Variants in FAM120A observed in about 807,000 individuals in gnomAD.
FAM120A encodes the protein constitutive coactivator of PPAR-gamma-like protein 1.
Under a neutral mutation model 109.7 loss-of-function variants are expected in FAM120A, and 15 were observed. The observed-to-expected ratio is 0.14, with a 90% confidence interval of 0.09 to 0.21. The LOEUF is 0.21. FAM120A is among the 10% of genes least tolerant of loss of function. The probability of loss-of-function intolerance (pLI) is 1.00; values close to 1 mark genes in which losing one functional copy is unlikely to be tolerated. For missense variants in FAM120A, 899 were observed against 1,439.3 expected, an observed-to-expected ratio of 0.62 and a Z score of 6.07; for synonymous variants, 493 against 572.8, an observed-to-expected ratio of 0.86 and a Z score of 1.99.
intron 12 of FAM120A, among the ~76,000 whole-genome samples, chr9:93,550,987 A>G (rs1403367442): frequency 6.6e-6 from 1 of 152,212 alleles, no homozygotes; most frequent in Non-Finnish European, 1.5e-5. Flanking sequence ...ACATCATGAA[A>G]TAAACTTGCC....
rs184708560 is a variant in FAM120A, at chr9:93,554,302, G to A, written c.2275-2080G>A. 5.3e-5 allele frequency among the ~76,000 whole-genome samples: 8 copies of A among 152,224 alleles called. No individual in the cohort carries two copies. In the East Asian group the frequency reaches 7.7e-4, roughly 15 times the overall value. On this transcript the variant is annotated intron_variant, in intron 12 of 17. Coordinates refer to ENST00000277165, the MANE Select transcript of FAM120A (RefSeq NM_014612.5). ...TTGGCAATGCAGATAGCCGTTTGCC[G>A]GGTAAATGGTTTTGGTTACATTAGT...
At chr9:93,518,974 T>C (rs984264086) in intron 7 of FAM120A, among the ~76,000 whole-genome samples, 2 of 152,164 alleles carry the variant, frequency 1.3e-5, no homozygotes, top group Non-Finnish European at 2.9e-5. Flanking sequence ...CTATTTTATA[T>C]GGGGCCCAAG....
At chr9:93,467,246 A>ACCCC (rs369928187) in intron 1 of FAM120A, among the ~76,000 whole-genome samples, 1 of 62,860 alleles carries the variant, frequency 1.6e-5, no homozygotes, top group African/African-American at 6.1e-5. Context: ...ATCTGCTGTC[A>ACCCC]CCCCCCCCCC....
At chr9:93,464,201 T>C (rs1187488038) in intron 1 of FAM120A, among the ~76,000 whole-genome samples, 1 of 152,224 alleles carries the variant, frequency 6.6e-6, no homozygotes, top group Non-Finnish European at 1.5e-5. Context: ...TAAACAATTA[T>C]ACTTGCCAAG....
At chr9:93,531,299 A>G (rs923143063) in intron 9 of FAM120A, 3 of 152,246 alleles carry the variant, frequency 2.0e-5, no homozygotes, top group African/African-American at 7.2e-5. Context: ...AACAGCAAAT[A>G]TTACAAAATT....
At chr9:93,556,056 G>T (rs1338474808) in intron 12 of FAM120A, among the ~76,000 whole-genome samples, 2 of 152,218 alleles carry the variant, frequency 1.3e-5, no homozygotes, top group African/African-American at 2.4e-5. Flanking sequence ...TGGGCTCTAA[G>T]GAGACCACAC....
Position 93,527,174 on chromosome 9 carries a change from A to T in FAM120A, c.1438A>T (p.Ile480Phe). 6.2e-7 allele frequency: 1 copy of T among 1,614,126 alleles called. No individual in the cohort carries two copies. The highest frequency in any genetic ancestry group is 8.5e-7 in the Non-Finnish European group (1 of 1,179,968). ...GATNHISGNK[I>F]GWEKTGSHSE... ...GTTTAGCCATATCAGCGGGAACAAG[A>T]TTGGCTGGGAGAAGACGGGAAGCCA... The change falls in exon 8 of 18, where the codon ATT becomes TTT. Residue 480 changes from isoleucine to phenylalanine, a missense_variant. Physicochemically the swap from Ile to Phe is conservative, Grantham distance 21. Transcript: ENST00000277165.
intron 2 of FAM120A, among the ~76,000 whole-genome samples, chr9:93,474,271 T>C (rs1279477236): frequency 6.6e-6 from 1 of 151,970 alleles, no homozygotes; most frequent in Non-Finnish European, 1.5e-5. Context: ...CACTGCAACC[T>C]CTGTCTCCCA....
chr9:93,475,513 A>G (rs553168552), intron 2 of FAM120A, among the ~76,000 whole-genome samples: 2 of 152,312 alleles, frequency 1.3e-5, no homozygotes, highest in South Asian at 4.1e-4. Flanking sequence ...TTATTTAGGA[A>G]ATTACTGCTT....
At chr9:93,552,551 G>T (rs1055645316) in intron 12 of FAM120A, among the ~76,000 whole-genome samples, 3 of 151,566 alleles carry the variant, frequency 2.0e-5, no homozygotes, top group Non-Finnish European at 4.4e-5. Context: ...CATTTGTTGG[G>T]GGGGAAAGGC....
At chr9:93,496,775 A>G (rs559327314) in intron 3 of FAM120A, among the ~76,000 whole-genome samples, 7 of 152,238 alleles carry the variant, frequency 4.6e-5, no homozygotes, top group Non-Finnish European at 7.3e-5. Context: ...TGTCCTGCCT[A>G]CCGCAAAGCT....
intron 8 of FAM120A, among the ~76,000 whole-genome samples, chr9:93,528,672 T>C (rs924510556): frequency 6.6e-6 from 1 of 152,244 alleles, no homozygotes; most frequent in African/African-American, 2.4e-5. Context: ...TCTATGTCAT[T>C]ATCCATAGAT....
chr9:93,482,239 G>T (rs1858847959), intron 3 of FAM120A, among the ~76,000 whole-genome samples: 1 of 142,532 alleles, frequency 7.0e-6, no homozygotes, highest in African/African-American at 2.5e-5. Flanking sequence ...CCAGGTTGGA[G>T]TGCAGTGGTG....
Position 93,532,096 on chromosome 9 carries a change from T to C in FAM120A, c.1735-59T>C. ...AGATAATACAGTATATTTCTGTGAG[T>C]GTATTGTAAATTCAACATGAAAAAT... On this transcript the variant is annotated intron_variant, in intron 9 of 17. Transcript: ENST00000277165. The surrounding 1 kb of genome is among the most constrained non-coding windows in gnomAD (Gnocchi z 4.3). The C allele has an allele frequency of 6.9e-7, 1 of 1,458,786 alleles. No homozygotes were observed. The highest frequency in any genetic ancestry group is 9.6e-7 in the Non-Finnish European group (1 of 1,045,882). The allele number at this position is 1,458,786 out of a possible 1,614,324, so 90.4% of individuals were successfully genotyped here. A position where few individuals can be genotyped will look rare whatever the true frequency, so the allele number is the denominator to read the frequency against.
At position 93,562,272 on chromosome 9, in the gene FAM120A, GGCA is replaced by G; in HGVS notation, c.3015_3017del (p.Arg1006del). On this transcript the variant is annotated inframe_deletion, in exon 17 of 18. Coordinates refer to ENST00000277165, the MANE Select transcript of FAM120A (RefSeq NM_014612.5). The stretch of plus-strand genomic sequence containing the variant: ...ATTTGGAAGAGGTGGAAGGTACTAT[GGCA>G]GAGGTTACAAAAACCAGGCAGCAAT... 6.2e-7 allele frequency: 1 copy of G among 1,614,150 alleles called. No individual in the cohort carries two copies. Among genetic ancestry groups the G allele is most frequent in the Non-Finnish European group, 8.5e-7 (1 of 1,179,988 alleles).
At position 93,476,317 on chromosome 9, in the gene FAM120A, A is replaced by C. The variant is rs1451401729; in HGVS notation, c.783A>C (p.Glu261Asp). Residue 261 changes from glutamate (E) to aspartate (D), a missense_variant, in exon 3 of 18, where the codon GAA (glutamate) becomes GAC (aspartate). Coordinates refer to ENST00000277165, the MANE Select transcript of FAM120A (RefSeq NM_014612.5). ...TTCACTGGAGTTTACTTGGTCCAGAACATCCACTAGCCTCACTAAAGGTAC... is the reference window on the plus strand; with the variant it reads ...TTCACTGGAGTTTACTTGGTCCAGACCATCCACTAGCCTCACTAAAGGTAC... ...ASFHWSLLGP[E>D]HPLASLKVRA... 6.2e-7 allele frequency: 1 copy of C among 1,606,740 alleles called. No homozygotes were observed. The highest frequency in any genetic ancestry group is 8.5e-7 in the Non-Finnish European group (1 of 1,173,540).
At chr9:93,457,556 T>C (rs1339956139) in intron 1 of FAM120A, among the ~76,000 whole-genome samples, 1 of 152,144 alleles carries the variant, frequency 6.6e-6, no homozygotes, top group Admixed American at 6.5e-5. Flanking sequence ...ACACATGATA[T>C]ATACACACAG....
intron 1 of FAM120A, among the ~76,000 whole-genome samples, chr9:93,465,239 C>T (rs1857968437): frequency 6.6e-6 from 1 of 152,278 alleles, no homozygotes; most frequent in East Asian, 1.9e-4. Flanking sequence ...GTCTTTTTAC[C>T]CCTGCTCATA....
Position 93,498,646 on chromosome 9 carries a change from C to A in FAM120A, c.934-144C>A. 3 of 670,546 alleles carry A rather than the reference C, an allele frequency of 4.5e-6. No homozygotes were observed. The highest frequency in any genetic ancestry group is 5.3e-6 in the Non-Finnish European group (2 of 373,908). The allele number at this position is 670,546 out of a possible 1,614,324, so 41.5% of individuals were successfully genotyped here. A position where few individuals can be genotyped will look rare whatever the true frequency, so the allele number is the denominator to read the frequency against. ...CTTTTGTAGTAATCTATTGATTTTC[C>A]CTGAAAGTTTTAATGTCATTCAAAA... On this transcript the variant is annotated intron_variant, in intron 4 of 17. Coordinates refer to ENST00000277165, the MANE Select transcript of FAM120A (RefSeq NM_014612.5). This position sits in a 1 kb window ranked among gnomAD's most constrained non-coding sequence, Gnocchi z 4.4.
Sources: allele counts gnomAD v4.1 joint callset (sites outside exome capture counted in the v4.1 genomes callset), GRCh38; gene constraint gnomAD v4.1.1; non-coding constraint Gnocchi (gnomAD v3.1); transcripts MANE v1.5; gene names NCBI Gene and HGNC (gene_info 2026-07-23, HGNC 2026-07-21).